The following UNC79 variants were observed in gnomAD, a reference collection of about 807,000 sequenced individuals.
UNC79 encodes unc-79 subunit of NALCN channel complex, also known as protein unc-79 homolog.
UNC79 carries 37 observed loss-of-function variants against 283.1 expected under a neutral mutation model. The ratio of observed to expected loss-of-function variants is 0.13; its 90% confidence interval spans 0.10 to 0.17. The LOEUF is 0.17. Ranked by LOEUF, UNC79 falls within the 10% of genes least tolerant of loss-of-function variation. UNC79 has a pLI of 1.00. For synonymous variants in UNC79, 1,107 were observed against 1,200.2 expected, an observed-to-expected ratio of 0.92 and a Z score of 1.61; for missense variants, 2,272 against 3,211.1, an observed-to-expected ratio of 0.71 and a Z score of 7.07.
At position 93,603,444 on chromosome 14, in the gene UNC79, G is replaced by A. The variant is rs148162018; in HGVS notation, c.3754+26G>A. The A allele has an allele frequency of 1.3e-3, 2,170 of 1,608,670 alleles. 7 individuals carry two copies. The African/African-American group carries it at 0.015, about 11-fold the overall frequency. ...GTTGAGTATCTTCTTTCATCCTTCC[G>A]TTAAATCTGTTTAATGTCTTTCTGA... On this transcript the variant is annotated intron_variant, in intron 26 of 48. Coordinates refer to ENST00000555664, the Ensembl canonical transcript of UNC79.
chr14:93,642,424 CA>C (rs5810634), intron 33 of UNC79, among the ~76,000 whole-genome samples: 17,160 of 105,920 alleles, frequency 0.16, 1,206 homozygotes, highest in African/African-American at 0.3. Context: ...GACTCCATCT[CA>C]AAAAAAAAAA....
chr14:93,355,388 G>A (rs1047334102), intron 1 of UNC79, among the ~76,000 whole-genome samples: 2 of 152,108 alleles, frequency 1.3e-5, no homozygotes, highest in African/African-American at 2.4e-5. Flanking sequence ...TAATAGAGAC[G>A]GGGTTTCACC....
At position 93,550,329 on chromosome 14, in the gene UNC79, A is replaced by G. The variant is rs902062728; in HGVS notation, c.1755+7633A>G. On this transcript the variant is annotated intron_variant, in intron 14 of 48. Coordinates refer to ENST00000555664, the Ensembl canonical transcript of UNC79. Reference sequence around the variant, plus strand: ...AAAGAGGGAAGTTCTAGCCTGGCCAACATGGTGAAACCTCGTCTCTACTAA... The same window carrying G: ...AAAGAGGGAAGTTCTAGCCTGGCCAGCATGGTGAAACCTCGTCTCTACTAA... Among the ~76,000 whole-genome samples, 9 of 152,262 alleles carry G rather than the reference A, an allele frequency of 5.9e-5. No homozygotes were observed. The South Asian group carries it at 1.2e-3, about 21-fold the overall frequency.
At chr14:93,422,896 T>TA (rs1409493394) in intron 1 of UNC79, among the ~76,000 whole-genome samples, 3 of 150,314 alleles carry the variant, frequency 2.0e-5, no homozygotes, top group Admixed American at 6.6e-5. Flanking sequence ...CTGTCTCTAC[T>TA]AAAAAAAATA....
chr14:93,706,724 G>A (rs2075907624), exon 49 of UNC79: 1 of 1,614,102 alleles, frequency 6.2e-7, no homozygotes, highest in Non-Finnish European at 8.5e-7. Context: ...CGGGACTCCA[G>A]CTTCGCCTCC....
intron 1 of UNC79, among the ~76,000 whole-genome samples, chr14:93,368,664 G>T (rs1254276511): frequency 6.6e-6 from 1 of 152,084 alleles, no homozygotes; most frequent in East Asian, 1.9e-4. Context: ...TCGAGACAGG[G>T]TCTTGCTATG....
At chr14:93,458,086 T>A (rs1486506860) in intron 1 of UNC79, among the ~76,000 whole-genome samples, 1 of 152,220 alleles carries the variant, frequency 6.6e-6, no homozygotes, top group East Asian at 1.9e-4. Context: ...TCTTTATGTA[T>A]GTCTAACATT....
chr14:93,633,725 A>T (rs557728930), intron 31 of UNC79, among the ~76,000 whole-genome samples: 4 of 152,206 alleles, frequency 2.6e-5, no homozygotes, highest in African/African-American at 7.2e-5. Context: ...TCTACTGGCA[A>T]AAGTGTTTTT....
At chr14:93,429,068 T>G (rs906688574), upstream of UNC79, among the ~76,000 whole-genome samples, 1 of 152,250 alleles carries the variant, frequency 6.6e-6, no homozygotes, top group Non-Finnish European at 1.5e-5. Flanking sequence ...TCATGTGTGT[T>G]AATTTCCAAT....
chr14:93,469,318 C>G (rs2057378099), intron 2 of UNC79, among the ~76,000 whole-genome samples: 1 of 152,148 alleles, frequency 6.6e-6, no homozygotes, highest in Non-Finnish European at 1.5e-5. Context: ...GGAGAAGATC[C>G]TATGCAACTG....
At chr14:93,627,380 T>C (rs2067651562) in intron 30 of UNC79, among the ~76,000 whole-genome samples, 1 of 152,322 alleles carries the variant, frequency 6.6e-6, no homozygotes, top group Middle Eastern at 3.4e-3. Flanking sequence ...AGTGACCTAT[T>C]GCGGAAATAA....
At chr14:93,377,848 C>T (rs1461368741) in intron 1 of UNC79, among the ~76,000 whole-genome samples, 1 of 152,214 alleles carries the variant, frequency 6.6e-6, no homozygotes, top group East Asian at 1.9e-4. Context: ...AACAATTCCC[C>T]TAATTCTTAC....
chr14:93,490,203 C>T (rs1030730923), intron 5 of UNC79, among the ~76,000 whole-genome samples: 1 of 152,116 alleles, frequency 6.6e-6, no homozygotes, highest in African/African-American at 2.4e-5. Flanking sequence ...TCCGAAGTGC[C>T]TCTGGGGTCA....
exon 6 of UNC79, chr14:93,496,421 T>C (rs2059016140): frequency 6.5e-7 from 1 of 1,547,456 alleles, no homozygotes; most frequent in East Asian, 2.4e-5. Flanking sequence ...TGTATCATTG[T>C]CAATTACTGG....
chr14:93,603,802 G>C (rs2065687923), intron 26 of UNC79, among the ~76,000 whole-genome samples: 1 of 152,144 alleles, frequency 6.6e-6, no homozygotes, highest in Admixed American at 6.5e-5. Context: ...CATGGCTAAG[G>C]AGGGACAGTT....
chr14:93,560,675 G>A (rs2062491059), intron 14 of UNC79, among the ~76,000 whole-genome samples: 1 of 152,104 alleles, frequency 6.6e-6, no homozygotes, highest in Non-Finnish European at 1.5e-5. Context: ...TTGGGAGTAA[G>A]GAAAACTAGT....
At chr14:93,481,283 A>G (rs951103647) in intron 4 of UNC79, among the ~76,000 whole-genome samples, 2 of 152,182 alleles carry the variant, frequency 1.3e-5, no homozygotes, top group African/African-American at 4.8e-5. Flanking sequence ...AATATATTAA[A>G]GGAGTTACTA....
rs571538216 is a variant in UNC79, at chr14:93,462,307, AAAAAC to A, written c.23-5347_23-5343del. ...GGTGACAGAGCAAGACTCTGTCTCA[AAAAAC>A]AAAACAAAACAAAACACACACACAA... On this transcript the variant is annotated intron_variant, in intron 1 of 48. Transcript: ENST00000555664. 4.9e-3 allele frequency among the ~76,000 whole-genome samples: 742 copies of A among 152,276 alleles called. 9 individuals are homozygous for A. Among genetic ancestry groups the A allele is most frequent in the African/African-American group, 0.017 (710 of 41,540 alleles).
At position 93,593,879 on chromosome 14, in the gene UNC79, T is replaced by G. The variant is rs200777641; in HGVS notation, c.3190+42T>G. Reference sequence around the variant, plus strand: ...TTAAAACTCATTCTGGGTCACACAGTACACGGGTGTCTGGTCACGGCATCT... The same window carrying G: ...TTAAAACTCATTCTGGGTCACACAGGACACGGGTGTCTGGTCACGGCATCT... On this transcript the variant is annotated intron_variant, in intron 23 of 48. Transcript: ENST00000555664. The G allele has an allele frequency of 2.4e-4, 367 of 1,529,124 alleles. 2 individuals carry two copies. In the African/African-American group the frequency reaches 4.4e-3, roughly 18 times the overall value. The allele number at this position is 1,529,124 out of a possible 1,614,324, so 94.7% of individuals were successfully genotyped here. A position where few individuals can be genotyped will look rare whatever the true frequency, so the allele number is the denominator to read the frequency against.
Sources: allele counts gnomAD v4.1 joint callset (sites outside exome capture counted in the v4.1 genomes callset), GRCh38; gene constraint gnomAD v4.1.1; transcripts MANE v1.5; gene names NCBI Gene and HGNC (gene_info 2026-07-23, HGNC 2026-07-21).